The following MDFIC variants were observed in gnomAD, a reference collection of about 807,000 sequenced individuals.
MDFIC encodes MyoD family inhibitor domain containing, also known as myoD family inhibitor domain-containing protein.
In MDFIC, 17 loss-of-function variants were observed where a neutral mutation model predicts 23.2. The ratio of observed to expected loss-of-function variants is 0.73; its 90% CI spans 0.50 to 1.10. The LOEUF (loss-of-function observed/expected upper bound fraction) is 1.10. MDFIC is among the 50% of genes least tolerant of loss of function. MDFIC has a pLI of 0.00. For missense variants in MDFIC, 356 were observed against 316.6 expected (o/e 1.12, Z -0.95); for synonymous variants, 120 against 115.2 (o/e 1.04, Z -0.27).
chr7:114,974,482 T>A (rs576990875), intron 3 of MDFIC, among the ~76,000 whole-genome samples: 4 of 152,220 alleles, frequency 2.6e-5, no homozygotes, highest in Admixed American at 1.3e-4. Context: ...CAATTTTACA[T>A]CCTGAGCATT....
intron 3 of MDFIC, among the ~76,000 whole-genome samples, chr7:114,953,239 C>T (rs1318241907): frequency 6.6e-6 from 1 of 152,036 alleles, no homozygotes; most frequent in African/African-American, 2.4e-5. Context: ...ATACATGTAA[C>T]TTGTTTTTTG....
intron 4 of MDFIC, among the ~76,000 whole-genome samples, chr7:115,013,326 C>T (rs1332217224): frequency 1.4e-5 from 2 of 141,912 alleles, no homozygotes; most frequent in Non-Finnish European, 3.0e-5. Flanking sequence ...ATATTGTAAC[C>T]GTCTATTTCT....
intron 4 of MDFIC, among the ~76,000 whole-genome samples, chr7:114,988,593 T>C (rs918371521): frequency 2.6e-5 from 4 of 152,180 alleles, no homozygotes; most frequent in African/African-American, 7.2e-5. Context: ...CAGTCAGATA[T>C]GTATTATTCT....
chr7:114,935,203 T>G (rs1433145707), intron 2 of MDFIC, among the ~76,000 whole-genome samples: 1 of 152,100 alleles, frequency 6.6e-6, no homozygotes, highest in Non-Finnish European at 1.5e-5. Flanking sequence ...TATGAAATTG[T>G]TTAAAGCAAG....
At position 115,019,243 on chromosome 7, in the gene MDFIC, C is replaced by T. The variant is rs1287205026; in HGVS notation, c.*3308C>T. On this transcript the variant is annotated 3_prime_UTR_variant, in exon 5 of 5. Coordinates refer to ENST00000393486, the MANE Select transcript of MDFIC (RefSeq NM_001166345.3). ...GAGTGGCGAAATTTTTGTAAATGCT[C>T]GCAGTTAGCATCTAACTAAAACAAT... 1.3e-5 allele frequency: 2 copies of T among 151,894 alleles called. No homozygotes were observed. The highest frequency in any genetic ancestry group is 2.9e-5 in the Non-Finnish European group (2 of 67,914). 9.4% of individuals were successfully genotyped at this position (151,894 alleles called of 1,614,324 possible). A position where few individuals can be genotyped will look rare whatever the true frequency, so the allele number is the denominator to read the frequency against.
intron 3 of MDFIC, among the ~76,000 whole-genome samples, chr7:114,956,996 T>C (rs1406802201): frequency 6.6e-6 from 1 of 152,156 alleles, no homozygotes; most frequent in African/African-American, 2.4e-5. Flanking sequence ...TTTTTGGAAG[T>C]TGGTTTTTCA....
At chr7:114,977,662 C>CA (rs1793342914) in intron 3 of MDFIC, among the ~76,000 whole-genome samples, 1 of 152,080 alleles carries the variant, frequency 6.6e-6, no homozygotes, top group Admixed American at 6.6e-5. Context: ...CTGGACAACA[C>CA]AACACAACAG....
At chr7:114,980,946 A>G (rs1446391286) in intron 4 of MDFIC, among the ~76,000 whole-genome samples, 2 of 152,224 alleles carry the variant, frequency 1.3e-5, no homozygotes, top group Non-Finnish European at 2.9e-5. Context: ...ATATGATAAT[A>G]AATGGTCTGC....
chr7:114,963,543 T>C (rs1793034781), intron 3 of MDFIC, among the ~76,000 whole-genome samples: 1 of 152,230 alleles, frequency 6.6e-6, no homozygotes, highest in Non-Finnish European at 1.5e-5. Context: ...AGTACTTTTA[T>C]ACTAGTTGCC....
At chr7:114,966,036 A>G (rs1308355245) in intron 3 of MDFIC, among the ~76,000 whole-genome samples, 1 of 152,176 alleles carries the variant, frequency 6.6e-6, no homozygotes, top group Non-Finnish European at 1.5e-5. Flanking sequence ...TTTAAAACTC[A>G]CTTCTCTAGA....
At chr7:115,007,965 C>T (rs1317595181) in intron 4 of MDFIC, among the ~76,000 whole-genome samples, 5 of 150,822 alleles carry the variant, frequency 3.3e-5, no homozygotes, top group African/African-American at 1.2e-4. Flanking sequence ...CTGCCTGCCT[C>T]GGGATTCCAG....
chr7:115,002,975 A>G (rs2116089657), intron 4 of MDFIC, among the ~76,000 whole-genome samples: 1 of 152,290 alleles, frequency 6.6e-6, no homozygotes, highest in Admixed American at 6.5e-5. Flanking sequence ...TTGGAAAGAT[A>G]GCTATGTGCG....
At chr7:114,957,453 A>T (rs7802986) in intron 3 of MDFIC, among the ~76,000 whole-genome samples, 3 of 151,908 alleles carry the variant, frequency 2.0e-5, no homozygotes, top group Admixed American at 1.3e-4. Flanking sequence ...TGTTCTTGGC[A>T]TAAAGCAAAG....
Position 114,979,553 on chromosome 7 carries a change from A to G in MDFIC, c.265A>G (p.Ser89Gly), listed in dbSNP as rs1025475859. ...PQLQTSAQVP[S>G]GEEIGKIKNG... Reference sequence around the variant, plus strand: ...GCTTCAGACTTCAGCCCAGGTGCCAAGTGGTGAGGAAATAGGCAAGATAAA... The same window carrying G: ...GCTTCAGACTTCAGCCCAGGTGCCAGGTGGTGAGGAAATAGGCAAGATAAA... Residue 89 changes from serine to glycine, a missense_variant, in exon 4 of 5, where the codon AGT becomes GGT. Coordinates refer to ENST00000393486, the MANE Select transcript of MDFIC (RefSeq NM_001166345.3). The G allele has an allele frequency of 6.8e-6, 11 of 1,613,938 alleles. No individual in the cohort carries two copies. The highest frequency in any genetic ancestry group is 9.3e-6 in the Non-Finnish European group (11 of 1,179,912).
chr7:114,978,620 G>A (rs532854689), intron 3 of MDFIC, among the ~76,000 whole-genome samples: 12 of 151,982 alleles, frequency 7.9e-5, no homozygotes, highest in African/African-American at 2.9e-4. Context: ...ATTTTATATG[G>A]TTGTGTATCA....
At chr7:114,980,031 T>A (rs1048364849) in intron 4 of MDFIC, 4 of 503,462 alleles carry the variant, frequency 7.9e-6, no homozygotes, top group African/African-American at 5.8e-5. Context: ...ATAACTGCTA[T>A]ACTTCTTTTT....
rs1433911905 is a variant in MDFIC at position 114,929,512 on chromosome 7, C to G, written c.94+6385C>G. On this transcript the variant is annotated intron_variant, in intron 2 of 4. Coordinates refer to ENST00000393486, the MANE Select transcript of MDFIC (RefSeq NM_001166345.3). ...AGACAACATCTTTAATGATAGTTTT[C>G]TCGCCTAGCCGGTGGTTGGGTAAAA... Among the ~76,000 whole-genome samples, 2 of 152,112 alleles carry G rather than the reference C, an allele frequency of 1.3e-5. 1 individual carries two copies. The highest frequency in any genetic ancestry group is 4.1e-4 in the South Asian group (2 of 4,830).
chr7:114,933,720 C>T (rs973161330), intron 2 of MDFIC: 1 of 152,154 alleles, frequency 6.6e-6, no homozygotes, highest in African/African-American at 2.4e-5. Context: ...TGTGATGCCT[C>T]TGAAAAGCCA....
chr7:114,927,557 A>G (rs1050424848), intron 2 of MDFIC, among the ~76,000 whole-genome samples: 1 of 152,146 alleles, frequency 6.6e-6, no homozygotes, highest in Non-Finnish European at 1.5e-5. Flanking sequence ...TTTTAACAAT[A>G]TAAAAGAAAT....
Sources: allele counts gnomAD v4.1 joint callset (sites outside exome capture counted in the v4.1 genomes callset), GRCh38; gene constraint gnomAD v4.1.1; transcripts MANE v1.5; gene names NCBI Gene and HGNC (gene_info 2026-07-23, HGNC 2026-07-21).